MARK1: variants seen among roughly 807,000 people sequenced by gnomAD.
The protein encoded by MARK1 is serine/threonine-protein kinase MARK1.
In MARK1, 40 loss-of-function variants were observed where a neutral mutation model predicts 96.3. That is an observed-to-expected ratio of 0.42 (90% CI 0.32 to 0.54). The LOEUF is 0.54. Among genes scored for constraint, MARK1 ranks in the 20% least tolerant of loss-of-function variants. MARK1 has a pLI of 0.16. For missense variants in MARK1, 719 were observed against 984.6 expected (o/e 0.73, Z 3.61); for synonymous variants, 317 against 341.2 (o/e 0.93, Z 0.78).
chr1:220,649,794 T>C (rs931070943), intron 13 of MARK1, among the ~76,000 whole-genome samples: 3 of 152,188 alleles, frequency 2.0e-5, no homozygotes, highest in African/African-American at 7.2e-5. Flanking sequence ...ATATTTTAAA[T>C]GCTGGGTTAG....
chr1:220,608,352 A>G (rs1486828502), intron 6 of MARK1, among the ~76,000 whole-genome samples: 2 of 152,114 alleles, frequency 1.3e-5, no homozygotes, highest in Non-Finnish European at 2.9e-5. Context: ...AGAGGTGTTT[A>G]TAGTATTCTC....
intron 3 of MARK1, among the ~76,000 whole-genome samples, chr1:220,585,593 T>C (rs982134994): frequency 2.0e-5 from 3 of 152,064 alleles, no homozygotes; most frequent in Non-Finnish European, 4.4e-5. Context: ...ATATGAAAAA[T>C]ATCTTCCAGA....
At chr1:220,580,459 G>C (rs938990751) in intron 2 of MARK1, among the ~76,000 whole-genome samples, 3 of 151,902 alleles carry the variant, frequency 2.0e-5, no homozygotes, top group East Asian at 1.9e-4. Context: ...CTCAGCAACA[G>C]AGTGAGATCC....
chr1:220,538,644 C>G (rs1224104573), intron 1 of MARK1, among the ~76,000 whole-genome samples: 24 of 151,434 alleles, frequency 1.6e-4, no homozygotes, highest in African/African-American at 5.3e-4. Flanking sequence ...GGCATTGACT[C>G]TATAAATTAC....
chr1:220,630,236 C>CTT (rs1667596340), intron 9 of MARK1, among the ~76,000 whole-genome samples: 1 of 152,158 alleles, frequency 6.6e-6, no homozygotes, highest in Admixed American at 6.5e-5. Context: ...TTGTTGGCCA[C>CTT]TTATGTATCT....
At chr1:220,612,354 C>T (rs926409144) in intron 6 of MARK1, among the ~76,000 whole-genome samples, 3 of 152,100 alleles carry the variant, frequency 2.0e-5, no homozygotes, top group Non-Finnish European at 4.4e-5. Context: ...CAAATAATTA[C>T]TAAAATTGGC....
chr1:220,593,947 C>T (rs1263485406), intron 3 of MARK1, among the ~76,000 whole-genome samples: 2 of 152,164 alleles, frequency 1.3e-5, no homozygotes, highest in East Asian at 3.9e-4. Context: ...GCACGCCACT[C>T]AGACCAAGGC....
chr1:220,567,034 AG>A (rs1484858385), intron 1 of MARK1, among the ~76,000 whole-genome samples: 1 of 152,182 alleles, frequency 6.6e-6, no homozygotes, highest in Admixed American at 6.6e-5. Flanking sequence ...CCTAGTCCTT[AG>A]TATCTTGAGT....
At chr1:220,587,244 A>G (rs1347479804) in intron 3 of MARK1, among the ~76,000 whole-genome samples, 2 of 151,918 alleles carry the variant, frequency 1.3e-5, no homozygotes, top group Non-Finnish European at 2.9e-5. Context: ...CATGCTAACT[A>G]TATAGTCTCT....
chr1:220,555,979 A>T (rs1662216282), intron 1 of MARK1, among the ~76,000 whole-genome samples: 1 of 152,248 alleles, frequency 6.6e-6, no homozygotes, highest in Admixed American at 6.5e-5. Flanking sequence ...TATTAACTAC[A>T]TAACTGAGCT....
Position 220,653,170 on chromosome 1 carries a change from C to T in MARK1, c.1806C>T (p.Thr602=). The T allele has an allele frequency of 6.2e-7, 1 of 1,614,208 alleles. No individual in the cohort carries two copies. Among genetic ancestry groups the T allele is most frequent in the South Asian group, 1.1e-5 (1 of 91,078 alleles). Residue 602 remains threonine, a synonymous_variant, in exon 16 of 18, where the codon ACC becomes ACT. Coordinates refer to ENST00000366917, the MANE Select transcript of MARK1 (RefSeq NM_018650.5). ...TTAGTACTGCGACTCCAGACCGGAC[C>T]CGTTTTCCCCGAGGGAGCTCAAGCC... is the stretch of plus-strand genomic sequence containing the variant. ...HSISTATPDR[T]RFPRGSSSRS...
Sources: allele counts gnomAD v4.1 joint callset (sites outside exome capture counted in the v4.1 genomes callset), GRCh38; gene constraint gnomAD v4.1.1; transcripts MANE v1.5; gene names NCBI Gene and HGNC (gene_info 2026-07-23, HGNC 2026-07-21).